SEL1L2: variants seen among roughly 807,000 people sequenced by gnomAD.
SEL1L2 encodes protein sel-1 homolog 2.
A neutral mutation model predicts 98.8 loss-of-function variants in SEL1L2; 89 were observed. That is an observed-to-expected ratio of 0.90 (90% CI 0.76 to 1.07). The LOEUF is 1.07. Ranked by LOEUF, SEL1L2 falls within the 50% of genes least tolerant of loss-of-function variation. The pLI, the probability that SEL1L2 is intolerant of heterozygous loss-of-function variation, is 0.00. For missense variants in SEL1L2, 788 were observed against 812.0 expected, an observed-to-expected ratio of 0.97 and a Z score of 0.36; for synonymous variants, 262 against 278.5, an observed-to-expected ratio of 0.94 and a Z score of 0.59.
chr20:13,979,769 T>C (rs1401413670), intron 1 of SEL1L2, among the ~76,000 whole-genome samples: 1 of 152,032 alleles, frequency 6.6e-6, no homozygotes, highest in Non-Finnish European at 1.5e-5. Flanking sequence ...AAAGAAAATA[T>C]AGAGGAAAAG....
chr20:13,853,464 T>G (rs1290708893), intron 18 of SEL1L2, among the ~76,000 whole-genome samples: 6 of 152,156 alleles, frequency 3.9e-5, no homozygotes, highest in African/African-American at 1.4e-4. Context: ...TCTGCCCACC[T>G]TGGCCTCTCA....
At chr20:13,962,655 G>A (rs561434447) in intron 1 of SEL1L2, among the ~76,000 whole-genome samples, 19 of 152,334 alleles carry the variant, frequency 1.2e-4, no homozygotes, top group African/African-American at 4.6e-4. Flanking sequence ...TGTGTTTTCA[G>A]CCTATTAGGA....
chr20:13,883,022 G>GT (rs939785012), intron 10 of SEL1L2, among the ~76,000 whole-genome samples: 1 of 151,708 alleles, frequency 6.6e-6, no homozygotes, highest in African/African-American at 2.4e-5. Context: ...GGGTTTCACC[G>GT]TTTTAGCCAG....
At chr20:13,907,986 T>C (rs908150704) in intron 5 of SEL1L2, among the ~76,000 whole-genome samples, 1 of 151,402 alleles carries the variant, frequency 6.6e-6, no homozygotes, top group Non-Finnish European at 1.5e-5. Flanking sequence ...AGGGTCTTAC[T>C]ATGTTGCCCA....
chr20:13,971,913 T>G (rs2051301565), intron 1 of SEL1L2, among the ~76,000 whole-genome samples: 1 of 152,184 alleles, frequency 6.6e-6, no homozygotes, highest in African/African-American at 2.4e-5. Flanking sequence ...ACTGGTCCAT[T>G]TTTTAACTCT....
At chr20:13,978,129 C>T (rs527712744) in intron 1 of SEL1L2, among the ~76,000 whole-genome samples, 6 of 152,294 alleles carry the variant, frequency 3.9e-5, no homozygotes, top group South Asian at 4.1e-4. Flanking sequence ...ATACTCAAAA[C>T]AGCATGATAC....
At chr20:13,873,857 G>C (rs2046314822) in intron 12 of SEL1L2, among the ~76,000 whole-genome samples, 1 of 152,094 alleles carries the variant, frequency 6.6e-6, no homozygotes, top group Non-Finnish European at 1.5e-5. Flanking sequence ...TAACCCCCTG[G>C]CAGGACCTTT....
At chr20:13,886,197 G>A (rs1030671980) in intron 9 of SEL1L2, 91 bp downstream of exon 9, 21 of 861,974 alleles carry the variant, frequency 2.4e-5, no homozygotes, top group Non-Finnish European at 3.3e-5. Flanking sequence ...TATTTAGGAT[G>A]GGGCATTGTT....
At chr20:13,898,558 C>T (rs1226079488) in intron 5 of SEL1L2, among the ~76,000 whole-genome samples, 1 of 152,160 alleles carries the variant, frequency 6.6e-6, no homozygotes, top group Admixed American at 6.5e-5. Flanking sequence ...TCTACAATAT[C>T]TCTCTAATTC....
At chr20:13,936,677 A>C (rs533979402) in intron 2 of SEL1L2, among the ~76,000 whole-genome samples, 1 of 152,204 alleles carries the variant, frequency 6.6e-6, no homozygotes, top group South Asian at 2.1e-4. Flanking sequence ...TAGCCTTGGA[A>C]TTTTCAGGGA....
At chr20:13,919,837 A>C (rs2048572730) in intron 3 of SEL1L2, among the ~76,000 whole-genome samples, 1 of 151,296 alleles carries the variant, frequency 6.6e-6, no homozygotes, top group Non-Finnish European at 1.5e-5. Context: ...GAGGCAGAGA[A>C]TTGCTTGAAC....
chr20:13,850,413 G>C (rs1259660384), intron 18 of SEL1L2, 94 bp from the exon 19 acceptor site: 6 of 1,378,106 alleles, frequency 4.4e-6, no homozygotes, highest in Non-Finnish European at 5.1e-6. Context: ...TAAGGTTACA[G>C]GTCTTAAGAT....
At chr20:13,893,004 A>G (rs2047269526) in intron 5 of SEL1L2, among the ~76,000 whole-genome samples, 1 of 152,212 alleles carries the variant, frequency 6.6e-6, no homozygotes, top group East Asian at 1.9e-4. Flanking sequence ...CAACCAAGTC[A>G]AAGAACAATT....
intron 10 of SEL1L2, among the ~76,000 whole-genome samples, chr20:13,882,470 G>T (rs1448558601): frequency 5.9e-5 from 9 of 152,178 alleles, no homozygotes; most frequent in African/African-American, 1.4e-4. Context: ...CTTCTGCTCT[G>T]GTGTTCTTAG....
upstream of SEL1L2, among the ~76,000 whole-genome samples, chr20:13,992,383 C>G (rs889006845): frequency 6.6e-6 from 1 of 151,722 alleles, no homozygotes; most frequent in African/African-American, 2.4e-5. Context: ...AGATGCCTGT[C>G]ATCTCAGCTA....
chr20:13,948,930 C>T (rs1183877102), intron 2 of SEL1L2, among the ~76,000 whole-genome samples: 2 of 152,180 alleles, frequency 1.3e-5, no homozygotes, highest in Non-Finnish European at 2.9e-5. Context: ...AAGTTTCAAG[C>T]TTTAAGACCA....
At chr20:13,887,274 C>A (rs1244062436) in intron 8 of SEL1L2, among the ~76,000 whole-genome samples, 2 of 152,066 alleles carry the variant, frequency 1.3e-5, no homozygotes, top group African/African-American at 4.8e-5. Context: ...CTCCTTCTTT[C>A]TTTTCTCAGA....
intron 10 of SEL1L2, among the ~76,000 whole-genome samples, chr20:13,882,315 A>T (rs2046742165): frequency 2.0e-5 from 3 of 152,188 alleles, no homozygotes; most frequent in Non-Finnish European, 4.4e-5. Context: ...ATGTTGCAAG[A>T]ATGACCACAG....
chr20:13,888,511 G>A lies in SEL1L2; in HGVS notation c.551C>T (p.Ala184Val), dbSNP rs768780990. 2.0e-6 allele frequency: 3 copies of A among 1,536,864 alleles called. No homozygotes were observed. The Admixed American group carries it at 5.4e-5, about 28-fold the overall frequency. The change falls in exon 6 of 20, where the codon GCA (alanine) becomes GTA (valine). Residue 184 changes from alanine (A) to valine (V), a missense_variant and splice_region_variant. Physicochemically the swap from Ala to Val is moderately conservative, Grantham distance 64. Coordinates refer to ENST00000284951, the MANE Select transcript of SEL1L2 (RefSeq NM_025229.2). ...AKEGSCKAQNALGFLSSYGIG... is the reference protein window; with the variant it reads ...AKEGSCKAQNVLGFLSSYGIG... ...TCCATAAGAAGACAAAAATCCTAAT[G>A]CCTAAAGCACAAAAGAAGAAACAAA...
Sources: allele counts gnomAD v4.1 joint callset (sites outside exome capture counted in the v4.1 genomes callset), GRCh38; gene constraint gnomAD v4.1.1; transcripts MANE v1.5; gene names NCBI Gene and HGNC (gene_info 2026-07-23, HGNC 2026-07-21).